CACNA1A: variants seen among roughly 807,000 people sequenced by gnomAD.
The protein encoded by CACNA1A is calcium voltage-gated channel subunit alpha1 A.
A neutral mutation model predicts 262.4 loss-of-function variants in CACNA1A; 57 were observed. That is an observed-to-expected ratio of 0.22 (90% CI 0.18 to 0.27). The LOEUF is 0.27. CACNA1A is among the 10% of genes least tolerant of loss of function. The probability of loss-of-function intolerance (pLI) is 1.00; values close to 1 mark genes in which losing one functional copy is unlikely to be tolerated. For missense variants in CACNA1A, 2,526 were observed against 3,562.8 expected, an observed-to-expected ratio of 0.71 and a Z score of 7.41; for synonymous variants, 1,431 against 1,419.3, an observed-to-expected ratio of 1.01 and a Z score of -0.18.
Position 13,335,901 on chromosome 19 carries a change from A to G in CACNA1A, c.987T>C (p.Asp329=). 1 of 1,599,866 alleles carries G rather than the reference A, an allele frequency of 6.3e-7. No individual in the cohort carries two copies. The highest frequency in any genetic ancestry group is 8.5e-7 in the Non-Finnish European group (1 of 1,171,898). The change falls in exon 7 of 47, where the codon GAT becomes GAC. Residue 329 remains aspartate, a synonymous_variant. Coordinates refer to ENST00000360228, the MANE Select transcript of CACNA1A (RefSeq NM_001127222.2). ...ACCAGTTCCAAGTGTTCCCTGAGGC[A>G]TCGTTGCTCTGTAGGGTGTGAGGAG... ...GWTDLLYNSN[D]ASGNTWNWLY... is the part of the protein sequence containing the mutation.
chr19:13,418,959 T>G (rs2060271843), intron 3 of CACNA1A, among the ~76,000 whole-genome samples: 1 of 152,162 alleles, frequency 6.6e-6, no homozygotes, highest in South Asian at 2.1e-4. Context: ...AGTGGCATGA[T>G]CTCAGCTCAC....
intron 22 of CACNA1A, chr19:13,277,587 C>A (rs1184016420): frequency 1.3e-5 from 2 of 157,106 alleles, no homozygotes; most frequent in African/African-American, 2.4e-5. Context: ...AACTTCCTGC[C>A]ACGGCATCTC....
intron 24 of CACNA1A, among the ~76,000 whole-genome samples, chr19:13,266,096 G>A (rs867299833): frequency 2.0e-4 from 31 of 152,164 alleles, no homozygotes; most frequent in Admixed American, 3.3e-4. Flanking sequence ...CACCTGCCTC[G>A]GCCTCCCAAA....
chr19:13,346,177 C>T (rs1055388660), intron 6 of CACNA1A, among the ~76,000 whole-genome samples: 4 of 152,152 alleles, frequency 2.6e-5, no homozygotes, highest in African/African-American at 9.7e-5. Context: ...GCTGGGATTA[C>T]AGGCGGGAGC....
At chr19:13,362,275 G>C (rs529621877) in intron 5 of CACNA1A, 2 of 152,248 alleles carry the variant, frequency 1.3e-5, no homozygotes, top group Non-Finnish European at 2.9e-5. Context: ...TCGGCTCACT[G>C]TAACCTCTAT....
Position 13,457,016 on chromosome 19 carries a change from G to A in CACNA1A, c.294-1804C>T, listed in dbSNP as rs139844661. Among the ~76,000 whole-genome samples, 998 of 152,244 alleles carry A rather than the reference G, an allele frequency of 6.6e-3. 4 individuals carry two copies. Among genetic ancestry groups the A allele is most frequent in the African/African-American group, 0.022 (917 of 41,522 alleles). ...TGTAATCCCAGCACTTTGGGAGGCCGAGGTAGGAGGATTACTTGAGCACAG... is the reference window on the plus strand; with the variant it reads ...TGTAATCCCAGCACTTTGGGAGGCCAAGGTAGGAGGATTACTTGAGCACAG... On this transcript the variant is annotated intron_variant, in intron 1 of 46. Transcript: ENST00000360228.
chr19:13,240,367 C>T (rs1378839724), intron 31 of CACNA1A, among the ~76,000 whole-genome samples: 1 of 151,782 alleles, frequency 6.6e-6, no homozygotes, highest in East Asian at 1.9e-4. Context: ...GCTCTGTGTG[C>T]AGTGACTGTG....
In CACNA1A at chr19:13,312,656, C is replaced by G. The variant is rs373955312; in HGVS notation, c.1668+13G>C. Reference sequence around the variant, plus strand: ...AGCTGGAGAAATGAACTCTTAGAAACAAGAGCACTTACCCCACAGTCAAAG... The same window carrying G: ...AGCTGGAGAAATGAACTCTTAGAAAGAAGAGCACTTACCCCACAGTCAAAG... On this transcript the variant is annotated intron_variant, in intron 12 of 46. Coordinates refer to ENST00000360228, the MANE Select transcript of CACNA1A (RefSeq NM_001127222.2). 3.4e-6 allele frequency: 5 copies of G among 1,479,808 alleles called. No individual in the cohort carries two copies. In the Admixed American group the frequency reaches 7.6e-5, roughly 22 times the overall value. The allele number at this position is 1,479,808 out of a possible 1,614,324, so 91.7% of individuals were successfully genotyped here.
intron 9 of CACNA1A, among the ~76,000 whole-genome samples, chr19:13,331,976 A>C (rs577956458): frequency 2.0e-4 from 30 of 152,268 alleles, no homozygotes; most frequent in Non-Finnish European, 2.9e-4. Context: ...CCCTATCTCT[A>C]AATTCTAGGA....
At chr19:13,456,011 G>A (rs1000515697) in intron 1 of CACNA1A, among the ~76,000 whole-genome samples, 14 of 151,798 alleles carry the variant, frequency 9.2e-5, no homozygotes, top group South Asian at 4.2e-4. Context: ...TTAGCCAGGC[G>A]TGGTGGTACA....
At chr19:13,309,111 C>T (rs552145592) in intron 12 of CACNA1A, among the ~76,000 whole-genome samples, 20 of 152,230 alleles carry the variant, frequency 1.3e-4, no homozygotes, top group African/African-American at 3.4e-4. Context: ...CAGGTTCAAG[C>T]GATTCTCCTG....
intron 3 of CACNA1A, among the ~76,000 whole-genome samples, chr19:13,428,744 T>C (rs1265573930): frequency 1.3e-5 from 2 of 152,104 alleles, no homozygotes; most frequent in African/African-American, 4.8e-5. Flanking sequence ...CTGCCACCAG[T>C]GTTTCCTTCA....
rs770657980 is a variant in CACNA1A at position 13,208,960 on chromosome 19, C to T, written c.6576G>A (p.Ser2192=). ...SMTTQSGDLP[S]KERDQERGRP... ...GGCCCCGCTCCTGGTCCCGCTCCTT[C>T]GACGGCAGGTCCCCGGATTGGGTGG... is the stretch of plus-strand genomic sequence containing the variant. Residue 2192 remains serine, a synonymous_variant, in exon 46 of 47, where the codon TCG becomes TCA. Coordinates refer to ENST00000360228, the MANE Select transcript of CACNA1A (RefSeq NM_001127222.2). 9.1e-6 allele frequency: 14 copies of T among 1,537,652 alleles called. No individual in the cohort carries two copies. The highest frequency in any genetic ancestry group is 4.8e-5 in the South Asian group (4 of 84,070).
intron 1 of CACNA1A, among the ~76,000 whole-genome samples, chr19:13,481,059 T>C (rs572156423): frequency 2.1e-4 from 32 of 152,298 alleles, no homozygotes; most frequent in African/African-American, 7.7e-4. Flanking sequence ...TTTTCTCTTT[T>C]TGTTACACGG....
rs746901457 is a variant in CACNA1A, at chr19:13,490,560, C to G, written c.293+15372G>C. Among the ~76,000 whole-genome samples the G allele has an allele frequency of 5.3e-5, 8 of 151,332 alleles. No individual in the cohort carries two copies. In the East Asian group the frequency reaches 5.8e-4, roughly 11 times the overall value. On this transcript the variant is annotated intron_variant, in intron 1 of 46. Transcript: ENST00000360228. Reference sequence around the variant, plus strand: ...GAGGTTGCAGTGAGCTGAGATTGTGCCATTGCACTCCAGCCTGGGCAACAG... The same window carrying G: ...GAGGTTGCAGTGAGCTGAGATTGTGGCATTGCACTCCAGCCTGGGCAACAG...
chr19:13,498,406 T>G (rs1981942087), intron 1 of CACNA1A, among the ~76,000 whole-genome samples: 1 of 152,126 alleles, frequency 6.6e-6, no homozygotes, highest in South Asian at 2.1e-4. Context: ...GCATGAATAT[T>G]ATTTACTGGC....
chr19:13,268,562 T>TA (rs1421939821), intron 24 of CACNA1A, among the ~76,000 whole-genome samples: 5 of 151,452 alleles, frequency 3.3e-5, no homozygotes, highest in East Asian at 1.9e-4. Context: ...GCCTCCCGAG[T>TA]GCTGGGACTA....
At chr19:13,492,902 G>A (rs1370748218) in intron 1 of CACNA1A, among the ~76,000 whole-genome samples, 1 of 152,046 alleles carries the variant, frequency 6.6e-6, no homozygotes, top group African/African-American at 2.4e-5. Context: ...ATGCTCCAGG[G>A]TCTCTCTCCT....
At chr19:13,235,412 C>T (rs1362544121) in intron 32 of CACNA1A, 138 bp from the exon 33 acceptor site, 9 of 888,494 alleles carry the variant, frequency 1.0e-5, no homozygotes, top group African/African-American at 1.7e-5. Context: ...GGCTGGTGGG[C>T]ATCTCTGGGG....
Sources: allele counts gnomAD v4.1 joint callset (sites outside exome capture counted in the v4.1 genomes callset), GRCh38; gene constraint gnomAD v4.1.1; transcripts MANE v1.5; gene names NCBI Gene and HGNC (gene_info 2026-07-23, HGNC 2026-07-21).